KCNK13: variants seen among roughly 807,000 people sequenced by gnomAD.
The protein encoded by KCNK13 is potassium channel subfamily K member 13.
A neutral mutation model predicts 23.4 loss-of-function variants in KCNK13; 12 were observed. That is an observed-to-expected ratio of 0.51 (90% CI 0.33 to 0.83). The LOEUF (loss-of-function observed/expected upper bound fraction) is 0.83, where lower values mean the gene tolerates loss of function less well. KCNK13 is among the 40% of genes least tolerant of loss of function. The probability of loss-of-function intolerance (pLI) is 0.02; values close to 1 mark genes in which losing one functional copy is unlikely to be tolerated. For synonymous variants in KCNK13, 231 were observed against 229.5 expected (o/e 1.01, Z -0.06); for missense variants, 463 against 556.3 (o/e 0.83, Z 1.69).
intron 1 of KCNK13, among the ~76,000 whole-genome samples, chr14:90,171,397 T>C (rs923957380): frequency 1.3e-5 from 2 of 152,276 alleles, no homozygotes; most frequent in South Asian, 2.1e-4. Context: ...TTGATTTTCA[T>C]AATTCATAAA....
intron 1 of KCNK13, among the ~76,000 whole-genome samples, chr14:90,102,619 T>C (rs544284849): frequency 3.3e-5 from 5 of 152,134 alleles, no homozygotes; most frequent in Non-Finnish European, 7.4e-5. Context: ...ATTCCTCCCA[T>C]TATTCCTCAT....
At chr14:90,107,702 A>G (rs1273825865) in intron 1 of KCNK13, 5 of 760,218 alleles carry the variant, frequency 6.6e-6, no homozygotes, top group African/African-American at 1.7e-5. Flanking sequence ...GAACTACAAA[A>G]TCCAGCCTGG....
At chr14:90,119,561 A>G (rs1411009014) in intron 1 of KCNK13, among the ~76,000 whole-genome samples, 1 of 152,108 alleles carries the variant, frequency 6.6e-6, no homozygotes, top group Non-Finnish European at 1.5e-5. Context: ...AACCACAGAG[A>G]TATACCAGTG....
At chr14:90,074,062 C>G (rs931682633) in intron 1 of KCNK13, among the ~76,000 whole-genome samples, 2 of 152,096 alleles carry the variant, frequency 1.3e-5, no homozygotes, top group African/African-American at 4.8e-5. Flanking sequence ...TCCGCCTGCC[C>G]AGGTTCAAGT....
intron 1 of KCNK13, among the ~76,000 whole-genome samples, chr14:90,088,462 A>G (rs1290004317): frequency 6.6e-6 from 1 of 152,270 alleles, no homozygotes; most frequent in African/African-American, 2.4e-5. Context: ...AATAGAGAAG[A>G]GATGTGCACA....
chr14:90,183,005 C>T (rs1232210071), intron 1 of KCNK13, among the ~76,000 whole-genome samples: 6 of 152,118 alleles, frequency 3.9e-5, no homozygotes, highest in African/African-American at 1.4e-4. Flanking sequence ...GGAAAGAACC[C>T]TCATCCCTCT....
chr14:90,100,282 A>G (rs952531522), intron 1 of KCNK13, among the ~76,000 whole-genome samples: 1 of 152,180 alleles, frequency 6.6e-6, no homozygotes, highest in Non-Finnish European at 1.5e-5. Context: ...GAAACTCTAT[A>G]ATAGGTGCCG....
intron 1 of KCNK13, among the ~76,000 whole-genome samples, chr14:90,155,186 G>A (rs1890179984): frequency 6.6e-6 from 1 of 152,158 alleles, no homozygotes; most frequent in South Asian, 2.1e-4. Context: ...TGGCATTTGA[G>A]CAAACACATG....
intron 1 of KCNK13, among the ~76,000 whole-genome samples, chr14:90,125,956 T>A (rs1018384116): frequency 6.6e-6 from 1 of 151,108 alleles, no homozygotes; most frequent in Non-Finnish European, 1.5e-5. Flanking sequence ...CCTGGGGAGG[T>A]TGAGGTTGCA....
chr14:90,088,393 T>G (rs1378822344), intron 1 of KCNK13, among the ~76,000 whole-genome samples: 2 of 152,128 alleles, frequency 1.3e-5, no homozygotes, highest in African/African-American at 4.8e-5. Context: ...GTGGTGTAAA[T>G]ATTCCCACAA....
intron 1 of KCNK13, among the ~76,000 whole-genome samples, chr14:90,142,485 A>AT (rs950958674): frequency 6.6e-6 from 1 of 150,560 alleles, no homozygotes; most frequent in Non-Finnish European, 1.5e-5. Context: ...TGCCCAGCTA[A>AT]TTTTTTTTAT....
chr14:90,088,816 C>T lies in KCNK13; in HGVS notation c.334+26277C>T, dbSNP rs146305925. ...TATTGAATTATGGGGTTGAGTCTTT[C>T]CTGTGCTATTCTCATGATAGAGAAT... On this transcript the variant is annotated intron_variant, in intron 1 of 1. Transcript: ENST00000282146. 1.1e-3 allele frequency among the ~76,000 whole-genome samples: 165 copies of T among 152,226 alleles called. 2 individuals carry two copies. In the East Asian group the frequency reaches 0.029, roughly 27 times the overall value.
chr14:90,101,790 C>CAAAAAAAAAAA lies in KCNK13; in HGVS notation c.334+39263_334+39273dup, dbSNP rs546423368. On this transcript the variant is annotated intron_variant, in intron 1 of 1. Coordinates refer to ENST00000282146, the MANE Select transcript of KCNK13 (RefSeq NM_022054.4). ...GGGCAACAGAGTGAGACTCCGTCTC[C>CAAAAAAAAAAA]AAAAAAAAAAAAAAAAAAAAAACCT... 1.6e-3 allele frequency among the ~76,000 whole-genome samples: 89 copies of CAAAAAAAAAAA among 55,566 alleles called. 7 individuals are homozygous for CAAAAAAAAAAA. Among genetic ancestry groups the CAAAAAAAAAAA allele is most frequent in the African/African-American group, 3.2e-3 (48 of 15,152 alleles). The allele number at this position is 55,566 out of a possible 152,430, so 36.5% of individuals were successfully genotyped here.
In KCNK13 at chr14:90,133,828, G is replaced by C. The variant is rs956055203; in HGVS notation, c.335-50283G>C. ...CAGCCTCCATGATCCCTCTCCTGGG[G>C]CCTCGCTATCCAAAAAACAGCTCCT... is the stretch of plus-strand genomic sequence containing the variant. On this transcript the variant is annotated intron_variant, in intron 1 of 1. Coordinates refer to ENST00000282146, the MANE Select transcript of KCNK13 (RefSeq NM_022054.4). Among the ~76,000 whole-genome samples, 3 of 152,190 alleles carry C rather than the reference G, an allele frequency of 2.0e-5. No individual in the cohort carries two copies. In the South Asian group the frequency reaches 6.2e-4, roughly 32 times the overall value.
intron 1 of KCNK13, among the ~76,000 whole-genome samples, chr14:90,136,014 GAC>G (rs1363214144): frequency 1.3e-5 from 2 of 152,022 alleles, no homozygotes; most frequent in Non-Finnish European, 2.9e-5. Context: ...ATGTCTGCAA[GAC>G]ACACACACAC....
intron 1 of KCNK13, among the ~76,000 whole-genome samples, chr14:90,068,156 G>C (rs903645421): frequency 6.6e-6 from 1 of 152,052 alleles, no homozygotes; most frequent in African/African-American, 2.4e-5. Flanking sequence ...ACCACCACCT[G>C]CAAGTAGCAC....
intron 1 of KCNK13, among the ~76,000 whole-genome samples, chr14:90,163,870 T>C (rs977994643): frequency 1.3e-5 from 2 of 152,024 alleles, no homozygotes. Flanking sequence ...TTGTGTTCTT[T>C]TAGTAGAGAT....
At chr14:90,086,940 A>C (rs1286898) in intron 1 of KCNK13, among the ~76,000 whole-genome samples, 39,021 of 151,616 alleles carry the variant, frequency 0.26, 5,446 homozygotes, top group Non-Finnish European at 0.32. Context: ...TGATGAATGT[A>C]GGTAACAACC....
intron 1 of KCNK13, among the ~76,000 whole-genome samples, chr14:90,075,679 C>G (rs1051714012): frequency 6.6e-6 from 1 of 152,108 alleles, no homozygotes; most frequent in Non-Finnish European, 1.5e-5. Flanking sequence ...CAAGGTTTCC[C>G]CATGTTGCCC....
Sources: gnomAD v4.1 joint callset for allele counts (sites outside exome capture counted in the v4.1 genomes callset) on GRCh38, gnomAD v4.1.1 for gene constraint, MANE v1.5 for transcripts, NCBI Gene and HGNC (gene_info 2026-07-23, HGNC 2026-07-21) for gene names.